The following PTPRQ variants were observed in gnomAD, a reference collection of about 807,000 sequenced individuals.
PTPRQ encodes phosphatidylinositol phosphatase PTPRQ.
PTPRQ carries 199 observed loss-of-function variants against 246.0 expected under a neutral mutation model. That is an observed-to-expected ratio of 0.81 (90% CI 0.72 to 0.91). PTPRQ has a LOEUF of 0.91. PTPRQ is among the 40% of genes least tolerant of loss of function. The pLI is 0.00. For synonymous variants in PTPRQ, 869 were observed against 853.2 expected, an observed-to-expected ratio of 1.02 and a Z score of -0.32; for missense variants, 2,624 against 2,528.4, an observed-to-expected ratio of 1.04 and a Z score of -0.81.
chr12:80,591,120 C>CTTTTTTTTTTTTT (rs757029945), intron 26 of PTPRQ, among the ~76,000 whole-genome samples: 15 of 77,388 alleles, frequency 1.9e-4, no homozygotes, highest in Non-Finnish European at 2.4e-4. Context: ...TTGATCATTG[C>CTTTTTTTTTTTTT]TTTTTTTTTT....
chr12:80,479,719 T>C (rs1184400330), intron 8 of PTPRQ, among the ~76,000 whole-genome samples: 1 of 148,548 alleles, frequency 6.7e-6, no homozygotes, highest in Non-Finnish European at 1.5e-5. Flanking sequence ...AAGGCAGGGG[T>C]TGCAATCCTA....
At chr12:80,512,216 A>G (rs868858673) in intron 17 of PTPRQ, among the ~76,000 whole-genome samples, 15 of 152,238 alleles carry the variant, frequency 9.9e-5, no homozygotes, top group Admixed American at 6.5e-4. Flanking sequence ...AGATTAAGTG[A>G]GAATCAAGAT....
chr12:80,460,452 A>G (rs1893122348), intron 5 of PTPRQ, among the ~76,000 whole-genome samples: 1 of 152,194 alleles, frequency 6.6e-6, no homozygotes, highest in Admixed American at 6.5e-5. Flanking sequence ...TTAAGGTATA[A>G]GGAATACAAT....
At chr12:80,553,405 C>A (rs1285310697) in intron 25 of PTPRQ, among the ~76,000 whole-genome samples, 2 of 151,900 alleles carry the variant, frequency 1.3e-5, no homozygotes. Flanking sequence ...TTAGTAAGAA[C>A]TGGGAATTTA....
chr12:80,555,227 T>C (rs995934150), intron 25 of PTPRQ, among the ~76,000 whole-genome samples: 1 of 152,086 alleles, frequency 6.6e-6, no homozygotes, highest in Non-Finnish European at 1.5e-5. Flanking sequence ...GCCCAGCTAA[T>C]TTTTTATTTA....
In PTPRQ at chr12:80,542,138, C is replaced by A; in HGVS notation, c.3495C>A (p.Thr1165=). 6.4e-7 allele frequency: 1 copy of A among 1,550,680 alleles called. No homozygotes were observed. The highest frequency in any genetic ancestry group is 8.7e-7 in the Non-Finnish European group (1 of 1,146,616). ...ACACTTTTAAAAACCTTTCCTCTAC[C>A]TCAGTTCTCTTATCATGGGATCCCC... is the stretch of plus-strand genomic sequence containing the variant. The part of the protein sequence containing the change: ...IINTFKNLSS[T]SVLLSWDPPV... The change falls in exon 22 of 45, where the codon ACC becomes ACA. Residue 1165 remains threonine, a synonymous_variant. Transcript: ENST00000644991.
At chr12:80,488,754 T>C (rs1271059710) in intron 9 of PTPRQ, among the ~76,000 whole-genome samples, 4 of 152,060 alleles carry the variant, frequency 2.6e-5, no homozygotes, top group African/African-American at 9.7e-5. Flanking sequence ...TTGATCTCAT[T>C]ACCCTTATTG....
chr12:80,483,535 A>G (rs12824443), intron 8 of PTPRQ, among the ~76,000 whole-genome samples: 79,353 of 151,844 alleles, frequency 0.52, 24,977 homozygotes, highest in Non-Finnish European at 0.7. Flanking sequence ...ATAATAAAAG[A>G]AAAAAAAGAA....
At position 80,541,750 on chromosome 12, in the gene PTPRQ, A is replaced by G. The variant is rs1258065927; in HGVS notation, c.3350A>G (p.Lys1117Arg). ...ERSIYFDNLE[K>R]YTDYILKITP... ...AGCATATATTTTGATAATCTGGAAA[A>G]ATACACTGATTATATATTAAAAATT... The change falls in exon 21 of 45, where the codon AAA (lysine) becomes AGA (arginine). Residue 1117 changes from lysine to arginine, a missense_variant. Transcript: ENST00000644991. 2 of 1,551,256 alleles carry G rather than the reference A, an allele frequency of 1.3e-6. No homozygotes were observed. The highest frequency in any genetic ancestry group is 2.4e-5 in the South Asian group (2 of 84,030).
In PTPRQ at chr12:80,616,200, G is replaced by T. The variant is rs901548458; in HGVS notation, c.5164G>T (p.Val1722Phe). ...LKGGHTYNISVYAVNSAGAGP... is the reference protein window; with the variant it reads ...LKGGHTYNISFYAVNSAGAGP... Reference sequence around the variant, plus strand: ...AGTAACAAATATTTGTTTGTTTTAGGTTTACGCAGTCAATAGTGCTGGTGC... The same window carrying T: ...AGTAACAAATATTTGTTTGTTTTAGTTTTACGCAGTCAATAGTGCTGGTGC... Residue 1722 changes from valine to phenylalanine, a missense_variant and splice_region_variant, in exon 30 of 45, where the codon GTT becomes TTT. Val to Phe is a conservative substitution (Grantham distance 50). Coordinates refer to ENST00000644991, the MANE Select transcript of PTPRQ (RefSeq NM_001145026.2). 1.5e-5 allele frequency: 22 copies of T among 1,473,880 alleles called. No individual in the cohort carries two copies. Among genetic ancestry groups the T allele is most frequent in the Non-Finnish European group, 2.0e-5 (22 of 1,108,806 alleles). 91.3% of individuals were successfully genotyped at this position (1,473,880 alleles called of 1,614,324 possible).
chr12:80,544,763 G>A (rs1445457452), intron 23 of PTPRQ, among the ~76,000 whole-genome samples: 1 of 151,842 alleles, frequency 6.6e-6, no homozygotes, highest in Non-Finnish European at 1.5e-5. Context: ...TATCCTGACA[G>A]TATCAATTTA....
chr12:80,444,235 G>C lies in PTPRQ; in HGVS notation c.-111G>C. 1 of 636,900 alleles carries C rather than the reference G, an allele frequency of 1.6e-6. No individual in the cohort carries two copies. The highest frequency in any genetic ancestry group is 1.8e-5 in the South Asian group (1 of 56,562). The allele number at this position is 636,900 out of a possible 1,614,324, so 39.5% of individuals were successfully genotyped here. ...AAGGCAGAGCTATTGAGTAATATGG[G>C]CTCATTAATTGTGTACTTGCCAGAA... On this transcript the variant is annotated 5_prime_UTR_variant, in exon 1 of 45. Transcript: ENST00000644991.
At chr12:80,674,490 A>G (rs1901072404) in intron 43 of PTPRQ, among the ~76,000 whole-genome samples, 1 of 152,164 alleles carries the variant, frequency 6.6e-6, no homozygotes, top group African/African-American at 2.4e-5. Context: ...GTCATGGAAC[A>G]TTAATCCTCC....
chr12:80,678,934 T>TCTCTC, intron 44 of PTPRQ, 52 bp from the exon 45 acceptor site: 1 of 1,506,108 alleles, frequency 6.6e-7, no homozygotes, highest in Non-Finnish European at 8.9e-7. Flanking sequence ...ACATTTCAAT[T>TCTCTC]TTGAACTGTT....
chr12:80,611,635 T>G (rs1898555604), intron 28 of PTPRQ, among the ~76,000 whole-genome samples: 1 of 150,374 alleles, frequency 6.7e-6, no homozygotes, highest in Non-Finnish European at 1.5e-5. Context: ...CAAATCTTAA[T>G]GTGCTATCTG....
intron 4 of PTPRQ, 49 bp downstream of exon 4, chr12:80,457,693 G>A (rs1006679108): frequency 5.5e-5 from 22 of 399,056 alleles, no homozygotes; most frequent in Middle Eastern, 3.1e-4. Context: ...TGAGTTTGTC[G>A]TTTAAAATAA....
intron 33 of PTPRQ, among the ~76,000 whole-genome samples, chr12:80,625,662 AT>A (rs1274175619): frequency 3.3e-5 from 5 of 152,278 alleles, no homozygotes; most frequent in Admixed American, 3.3e-4. Flanking sequence ...ACTTCACTGG[AT>A]GGATAAGTAT....
intron 33 of PTPRQ, among the ~76,000 whole-genome samples, chr12:80,629,082 C>A (rs1264065658): frequency 6.7e-6 from 1 of 149,948 alleles, no homozygotes; most frequent in Non-Finnish European, 1.5e-5. Flanking sequence ...TCTTACATGG[C>A]CTTTCCTTGG....
intron 25 of PTPRQ, among the ~76,000 whole-genome samples, chr12:80,569,513 C>T (rs1203591049): frequency 6.6e-6 from 1 of 151,102 alleles, no homozygotes; most frequent in African/African-American, 2.4e-5. Flanking sequence ...ACATTGTGCA[C>T]ATGTACCCTA....
Sources: allele counts gnomAD v4.1 joint callset (sites outside exome capture counted in the v4.1 genomes callset), GRCh38; gene constraint gnomAD v4.1.1; transcripts MANE v1.5; gene names NCBI Gene and HGNC (gene_info 2026-07-23, HGNC 2026-07-21).